Variants in NPAS2 observed in about 807,000 individuals in gnomAD.
The protein encoded by NPAS2 is neuronal PAS domain protein 2.
Under a neutral mutation model 107.5 loss-of-function variants are expected in NPAS2, and 23 were observed. The observed-to-expected ratio is 0.21, with a 90% CI of 0.15 to 0.30. NPAS2 has a LOEUF of 0.30. Among genes scored for constraint, NPAS2 ranks in the 10% least tolerant of loss-of-function variants. NPAS2 has a pLI of 1.00. For missense variants in NPAS2, 756 were observed against 1,043.3 expected (o/e 0.72, Z 3.79); for synonymous variants, 403 against 417.5 (o/e 0.97, Z 0.42).
intron 3 of NPAS2, among the ~76,000 whole-genome samples, chr2:100,929,937 C>T (rs576419837): frequency 1.3e-5 from 2 of 152,340 alleles, no homozygotes; most frequent in South Asian, 4.1e-4. Flanking sequence ...GCTATTTTCT[C>T]AGCTTCGGAA....
intron 1 of NPAS2, among the ~76,000 whole-genome samples, chr2:100,835,544 G>A (rs1027472623): frequency 1.3e-5 from 2 of 152,112 alleles, no homozygotes; most frequent in African/African-American, 2.4e-5. Context: ...TCTTTTTTAG[G>A]ACAAAATCAT....
At chr2:100,990,052 G>A in intron 17 of NPAS2, 1 of 594,714 alleles carries the variant, frequency 1.7e-6, no homozygotes. Flanking sequence ...CCTGCCTAGA[G>A]TCCGGCACTG....
chr2:100,827,490 G>T (rs1676460423), intron 1 of NPAS2, among the ~76,000 whole-genome samples: 2 of 152,078 alleles, frequency 1.3e-5, no homozygotes, highest in African/African-American at 4.8e-5. Flanking sequence ...TATCACCCAG[G>T]TACTGATGTA....
Position 100,860,747 on chromosome 2 carries a change from G to A in NPAS2, c.-23+40333G>A, listed in dbSNP as rs376569675. Among the ~76,000 whole-genome samples, 81 of 152,216 alleles carry A rather than the reference G, an allele frequency of 5.3e-4. 1 individual carries two copies. The highest frequency in any genetic ancestry group is 1.9e-3 in the African/African-American group (81 of 41,558). On this transcript the variant is annotated intron_variant, in intron 1 of 20. Coordinates refer to ENST00000335681, the MANE Select transcript of NPAS2 (RefSeq NM_002518.4). Reference sequence around the variant, plus strand: ...TCTCAGATTGTCCCAGATTTGGCTGGGGAGAGCTCTTTCCAGCTGGCTTCT... The same window carrying A: ...TCTCAGATTGTCCCAGATTTGGCTGAGGAGAGCTCTTTCCAGCTGGCTTCT...
chr2:100,944,182 C>T (rs75944176), intron 5 of NPAS2, among the ~76,000 whole-genome samples: 419 of 152,308 alleles, frequency 2.8e-3, no homozygotes, highest in Non-Finnish European at 5.1e-3. Context: ...CCAGTGACTT[C>T]TCTTAAGCCG....
intron 2 of NPAS2, among the ~76,000 whole-genome samples, chr2:100,913,102 C>A (rs544442047): frequency 6.6e-6 from 1 of 152,142 alleles, no homozygotes; most frequent in Admixed American, 6.5e-5. Flanking sequence ...CTTCAGCTCC[C>A]GGTGGGAATT....
At chr2:100,941,669 A>G (rs1293001714) in intron 5 of NPAS2, among the ~76,000 whole-genome samples, 3 of 152,202 alleles carry the variant, frequency 2.0e-5, no homozygotes, top group African/African-American at 4.8e-5. Context: ...ACAGACGTGC[A>G]TACAATGGAG....
At chr2:100,956,783 C>T (rs1401588513) in intron 7 of NPAS2, among the ~76,000 whole-genome samples, 4 of 152,216 alleles carry the variant, frequency 2.6e-5, no homozygotes, top group Non-Finnish European at 5.9e-5. Flanking sequence ...ACGAGGATCC[C>T]ATCTTGTTGT....
intron 2 of NPAS2, among the ~76,000 whole-genome samples, chr2:100,911,701 G>A (rs192862236): frequency 2.1e-4 from 32 of 151,814 alleles, no homozygotes; most frequent in South Asian, 1.3e-3. Flanking sequence ...GCACAATGTC[G>A]GCTCACTGCA....
intron 4 of NPAS2, among the ~76,000 whole-genome samples, chr2:100,936,801 G>A (rs760945425): frequency 6.6e-6 from 1 of 151,426 alleles, no homozygotes; most frequent in African/African-American, 2.4e-5. Flanking sequence ...GCCAATAATG[G>A]TGAAACCCTG....
At chr2:100,838,974 A>G (rs1677231869) in intron 1 of NPAS2, among the ~76,000 whole-genome samples, 1 of 152,110 alleles carries the variant, frequency 6.6e-6, no homozygotes, top group African/African-American at 2.4e-5. Flanking sequence ...TTTCAATAAA[A>G]GTTATAGTGA....
chr2:100,945,844 T>C (rs560114738), intron 5 of NPAS2, among the ~76,000 whole-genome samples: 1 of 152,326 alleles, frequency 6.6e-6, no homozygotes, highest in East Asian at 1.9e-4. Context: ...CTCTACCCTT[T>C]CATTGTGGAG....
rs910929517 is a variant in NPAS2, at chr2:100,995,485, A to G, written c.2378A>G (p.Tyr793Cys). 6.2e-7 allele frequency: 1 copy of G among 1,613,708 alleles called. No individual in the cohort carries two copies. ...TYSQQPGTLG[Y>C]PQPPPAQPQP... ...TCACAACAGCCAGGGACCCTGGGCT[A>G]CCCCCAACCACCCCCAGCACAGCCC... The change falls in exon 21 of 21, where the codon TAC becomes TGC. Residue 793 changes from tyrosine to cysteine, a missense_variant. Tyr to Cys is a radical substitution (Grantham distance 194, BLOSUM62 -2). This residue lies in a region of NPAS2 where 496 missense variants were observed against 594.4 expected (regional missense o/e 0.83). Coordinates refer to ENST00000335681, the MANE Select transcript of NPAS2 (RefSeq NM_002518.4).
At chr2:100,961,710 G>T (rs1675925508) in intron 7 of NPAS2, among the ~76,000 whole-genome samples, 1 of 152,162 alleles carries the variant, frequency 6.6e-6, no homozygotes, top group African/African-American at 2.4e-5. Flanking sequence ...AGCAACCAGG[G>T]CCTCCCACTT....
chr2:100,907,894 T>C (rs1010346440), intron 2 of NPAS2, among the ~76,000 whole-genome samples: 27 of 152,182 alleles, frequency 1.8e-4, no homozygotes, highest in African/African-American at 6.5e-4. Context: ...AATATAGTCC[T>C]TGTACTCAAG....
Position 100,988,111 on chromosome 2 carries a change from C to A in NPAS2, c.1662C>A (p.Ser554Arg). 6.2e-7 allele frequency: 1 copy of A among 1,614,212 alleles called. No individual in the cohort carries two copies. The highest frequency in any genetic ancestry group is 1.3e-5 in the African/African-American group (1 of 75,056). The change falls in exon 17 of 21, where the codon AGC (serine) becomes AGA (arginine). Residue 554 changes from serine (S) to arginine (R), a missense_variant. By Grantham distance (110) the Ser-to-Arg change is moderately radical. This residue lies in a region of NPAS2 where 496 missense variants were observed against 594.4 expected (regional missense o/e 0.83). Transcript: ENST00000335681. The part of the protein sequence containing the change: ...MFLQQPAVSL[S>R]FSSTQRPEAQ... ...TGCAGCAGCCAGCTGTATCCCTGAG[C>A]TTCAGCAGCACCCAGCGACCTGAGG...
chr2:100,873,301 TATATATACACACACACACACACACACAC>T (rs1391744416), intron 1 of NPAS2, among the ~76,000 whole-genome samples: 3 of 64,790 alleles, frequency 4.6e-5, no homozygotes, highest in African/African-American at 2.3e-4. Context: ...TATATATATA[TATATATACACACACACACACACACACAC>T]ACACACACAC....
intron 12 of NPAS2, among the ~76,000 whole-genome samples, chr2:100,972,175 T>C (rs944893918): frequency 1.3e-5 from 2 of 152,124 alleles, no homozygotes; most frequent in Middle Eastern, 3.2e-3. Context: ...CTCGAACTCC[T>C]GACCTCAAGT....
chr2:100,952,759 C>CTT (rs779617503), intron 7 of NPAS2, among the ~76,000 whole-genome samples: 6 of 137,520 alleles, frequency 4.4e-5, no homozygotes, highest in Non-Finnish European at 7.9e-5. Flanking sequence ...ATACCTGGGA[C>CTT]TTTTTTTTTT....
Sources: gnomAD v4.1 joint callset for allele counts (sites outside exome capture counted in the v4.1 genomes callset) on GRCh38, gnomAD v4.1.1 for gene constraint, gnomAD v4.1.1 regional missense constraint, MANE v1.5 for transcripts, NCBI Gene and HGNC (gene_info 2026-07-23, HGNC 2026-07-21) for gene names.